Variants in ZFHX4 observed in about 807,000 individuals in gnomAD.
ZFHX4 encodes zinc finger homeobox 4.
Under a neutral mutation model 267.6 loss-of-function variants are expected in ZFHX4, and 56 were observed. That is an observed-to-expected ratio of 0.21 (90% CI 0.17 to 0.26). The LOEUF (loss-of-function observed/expected upper bound fraction) is 0.26. ZFHX4 is among the 10% of genes least tolerant of loss of function. ZFHX4 has a pLI of 1.00. For missense variants in ZFHX4, 4,332 were observed against 4,420.0 expected (o/e 0.98, Z 0.56); for synonymous variants, 1,778 against 1,665.6 (o/e 1.07, Z -1.64).
chr8:76,705,067 A>G lies in ZFHX4; in HGVS notation c.979A>G (p.Lys327Glu), dbSNP rs1213951002. 6.2e-7 allele frequency: 1 copy of G among 1,613,858 alleles called. No individual in the cohort carries two copies. The highest frequency in any genetic ancestry group is 8.5e-7 in the Non-Finnish European group (1 of 1,179,892). ...CVSAIIQGIG[K>E]DKEPLISFLE... Reference sequence around the variant, plus strand: ...CTCCGCCATAATACAGGGGATTGGCAAAGACAAAGAACCTCTTATAAGCTT... The same window carrying G: ...CTCCGCCATAATACAGGGGATTGGCGAAGACAAAGAACCTCTTATAAGCTT... The change falls in exon 2 of 11, where the codon AAA becomes GAA. Residue 327 changes from lysine (K) to glutamate (E), a missense_variant. Transcript: ENST00000651372.
chr8:76,847,029 G>A (rs1477875588), intron 6 of ZFHX4, among the ~76,000 whole-genome samples: 2 of 152,148 alleles, frequency 1.3e-5, no homozygotes, highest in Non-Finnish European at 2.9e-5. Flanking sequence ...TTACTTATTA[G>A]TGGGGGAACA....
chr8:76,854,640 G>T lies in ZFHX4; in HGVS notation c.7719G>T (p.Thr2573=). ...ASSSHTTAPT[T]VAASLKRKLD... ...CCTCCCACACCACAGCCCCCACAACGGTTGCTGCTTCCCTAAAAAGGAAAC... is the reference window on the plus strand; with the variant it reads ...CCTCCCACACCACAGCCCCCACAACTGTTGCTGCTTCCCTAAAAAGGAAAC... The change falls in exon 10 of 11, where the codon ACG becomes ACT. Residue 2573 remains threonine, a synonymous_variant. Coordinates refer to ENST00000651372, the MANE Select transcript of ZFHX4 (RefSeq NM_024721.5). The T allele has an allele frequency of 6.2e-7, 1 of 1,613,590 alleles. No homozygotes were observed. The highest frequency in any genetic ancestry group is 8.5e-7 in the Non-Finnish European group (1 of 1,179,846).
At chr8:76,764,556 G>T (rs1810002831) in intron 3 of ZFHX4, among the ~76,000 whole-genome samples, 1 of 152,128 alleles carries the variant, frequency 6.6e-6, no homozygotes, top group African/African-American at 2.4e-5. Flanking sequence ...TTTAAGCAAA[G>T]CATTGATCTA....
chr8:76,727,755 T>C (rs1808890910), intron 3 of ZFHX4, among the ~76,000 whole-genome samples: 1 of 152,222 alleles, frequency 6.6e-6, no homozygotes, highest in African/African-American at 2.4e-5. Flanking sequence ...CAGTTGTTCA[T>C]TGAATAGATA....
intron 3 of ZFHX4, among the ~76,000 whole-genome samples, chr8:76,744,565 A>G (rs1809406926): frequency 6.6e-6 from 1 of 151,922 alleles, no homozygotes; most frequent in South Asian, 2.1e-4. Flanking sequence ...GGCATGTGCC[A>G]TTATGCCCAG....
In ZFHX4 at chr8:76,852,252, C is replaced by G. The variant is rs1270049973; in HGVS notation, c.5331C>G (p.Asp1777Glu). The G allele has an allele frequency of 6.2e-7, 1 of 1,601,852 alleles. No individual in the cohort carries two copies. The highest frequency in any genetic ancestry group is 8.5e-7 in the Non-Finnish European group (1 of 1,173,276). The change falls in exon 10 of 11, where the codon GAC becomes GAG. Residue 1777 changes from aspartate to glutamate, a missense_variant. Around this residue, in one of 7 missense-constraint regions of ZFHX4, gnomAD observed 1,371 missense variants for 1,423.1 expected, o/e 0.96. Transcript: ENST00000651372. ...GAATGGCTGGCTCCTTGCTTGAAGA[C>G]CTAAAGCAGCAGATTCAAACCCAAC... ...MTGMAGSLLEDLKQQIQTQHH... is the reference protein window; with the variant it reads ...MTGMAGSLLEELKQQIQTQHH...
In ZFHX4 at chr8:76,853,129, C is replaced by A; in HGVS notation, c.6208C>A (p.Pro2070Thr). The A allele has an allele frequency of 7.0e-7, 1 of 1,436,060 alleles. No homozygotes were observed. The highest frequency in any genetic ancestry group is 9.3e-7 in the Non-Finnish European group (1 of 1,077,790). 89.0% of individuals were successfully genotyped at this position (1,436,060 alleles called of 1,614,324 possible). Reference sequence around the variant, plus strand: ...TTCTGCTCCTCCACAGGTCCAACTGCCGGTTTCTCTGGACCTGCCGCTCTT... The same window carrying A: ...TTCTGCTCCTCCACAGGTCCAACTGACGGTTTCTCTGGACCTGCCGCTCTT... ...PPSAPPQVQLPVSLDLPLFPS... is the reference protein window; with the variant it reads ...PPSAPPQVQLTVSLDLPLFPS... Residue 2070 changes from proline (P) to threonine (T), a missense_variant, in exon 10 of 11, where the codon CCG (proline) becomes ACG (threonine). Physicochemically the swap from Pro to Thr is conservative, Grantham distance 38. This residue lies in a region of ZFHX4 where 1,371 missense variants were observed against 1,423.1 expected (regional missense o/e 0.96). Coordinates refer to ENST00000651372, the MANE Select transcript of ZFHX4 (RefSeq NM_024721.5).
intron 4 of ZFHX4, among the ~76,000 whole-genome samples, chr8:76,824,269 A>G (rs1268493344): frequency 6.6e-6 from 1 of 152,236 alleles, no homozygotes; most frequent in Non-Finnish European, 1.5e-5. Context: ...TGGTGTGTTC[A>G]GTAAGGCATA....
chr8:76,803,427 T>C (rs1452439591), intron 4 of ZFHX4, among the ~76,000 whole-genome samples: 8 of 152,120 alleles, frequency 5.3e-5, no homozygotes, highest in Non-Finnish European at 7.4e-5. Context: ...TTAAGAAAAG[T>C]AACTAAATTT....
In ZFHX4 at chr8:76,753,629, C is replaced by CTTT. The variant is rs962115381; in HGVS notation, c.3094-24559_3094-24557dup. On this transcript the variant is annotated intron_variant, in intron 3 of 10. Transcript: ENST00000651372. ...CACAGTCACTTCATTCGTCTTAGGC[C>CTTT]TTTTTTTTTTTTTTTTTTTTTTGGA... Among the ~76,000 whole-genome samples the CTTT allele has an allele frequency of 1.7e-3, 196 of 117,370 alleles. 1 individual carries two copies. Among genetic ancestry groups the CTTT allele is most frequent in the African/African-American group, 4.5e-3 (138 of 30,840 alleles). The allele number at this position is 117,370 out of a possible 152,430, so 77.0% of individuals were successfully genotyped here. A position where few individuals can be genotyped will look rare whatever the true frequency, so the allele number is the denominator to read the frequency against.
Position 76,852,620 on chromosome 8 carries a change from T to C in ZFHX4, c.5699T>C (p.Ile1900Thr), listed in dbSNP as rs1288756531. ...GAACCATCCATCCCACCACCCCGAA[T>C]AGCTTCAGGGGCCAGAGGAAATGCT... is the stretch of plus-strand genomic sequence containing the variant. The part of the protein sequence containing the change: ...SLEPSIPPPR[I>T]ASGARGNAAK... Residue 1900 changes from isoleucine (I) to threonine (T), a missense_variant, in exon 10 of 11, where the codon ATA becomes ACA. By Grantham distance (89) the Ile-to-Thr change is moderately conservative. Transcript: ENST00000651372. 6.2e-7 allele frequency: 1 copy of C among 1,612,808 alleles called. No individual in the cohort carries two copies. The highest frequency in any genetic ancestry group is 1.1e-5 in the South Asian group (1 of 90,942).
At chr8:76,820,749 G>A (rs1811627000) in intron 4 of ZFHX4, among the ~76,000 whole-genome samples, 1 of 152,092 alleles carries the variant, frequency 6.6e-6, no homozygotes, top group Non-Finnish European at 1.5e-5. Flanking sequence ...TTTCATCTTT[G>A]TTGATAAGTT....
intron 4 of ZFHX4, among the ~76,000 whole-genome samples, chr8:76,813,081 C>T (rs1811418444): frequency 6.6e-6 from 1 of 152,034 alleles, no homozygotes; most frequent in South Asian, 2.1e-4. Flanking sequence ...TATACATATG[C>T]ATAAAAGTAA....
At chr8:76,736,834 G>C (rs1809172388) in intron 3 of ZFHX4, among the ~76,000 whole-genome samples, 1 of 152,082 alleles carries the variant, frequency 6.6e-6, no homozygotes, top group African/African-American at 2.4e-5. Flanking sequence ...AAAAAGGAAG[G>C]TAAAAATACC....
chr8:76,776,957 T>A (rs1487611614), intron 3 of ZFHX4, among the ~76,000 whole-genome samples: 1 of 152,172 alleles, frequency 6.6e-6, no homozygotes, highest in Non-Finnish European at 1.5e-5. Flanking sequence ...AATCAACATG[T>A]TTGATCCTGT....
At chr8:76,685,733 A>G (rs1807676508) in intron 1 of ZFHX4, among the ~76,000 whole-genome samples, 1 of 152,190 alleles carries the variant, frequency 6.6e-6, no homozygotes, top group South Asian at 2.1e-4. Context: ...ATTGGGGCAG[A>G]GGAGTTTTCA....
At chr8:76,752,332 G>T (rs1428562245) in intron 3 of ZFHX4, among the ~76,000 whole-genome samples, 1 of 150,412 alleles carries the variant, frequency 6.6e-6, no homozygotes, top group Admixed American at 6.6e-5. Flanking sequence ...ACTTAAAAGA[G>T]TATTAAAAAA....
At chr8:76,748,785 C>T (rs1809538241) in intron 3 of ZFHX4, among the ~76,000 whole-genome samples, 1 of 152,166 alleles carries the variant, frequency 6.6e-6, no homozygotes, top group South Asian at 2.1e-4. Flanking sequence ...CCACTTACTG[C>T]ACCTTTTCTT....
chr8:76,763,195 C>T (rs1468507923), intron 3 of ZFHX4, among the ~76,000 whole-genome samples: 2 of 151,468 alleles, frequency 1.3e-5, no homozygotes, highest in Admixed American at 1.3e-4. Context: ...GTTGTCACTC[C>T]ACTCTATTCT....
Sources: allele counts gnomAD v4.1 joint callset (sites outside exome capture counted in the v4.1 genomes callset), GRCh38; gene constraint gnomAD v4.1.1; regional missense constraint gnomAD v4.1.1; transcripts MANE v1.5; gene names NCBI Gene and HGNC (gene_info 2026-07-23, HGNC 2026-07-21).